TLK1: variants seen among roughly 807,000 people sequenced by gnomAD.
TLK1 encodes the protein tousled like kinase 1.
Under a neutral mutation model 105.3 loss-of-function variants are expected in TLK1, and 24 were observed. That is an observed-to-expected ratio of 0.23 (90% CI 0.17 to 0.32). The LOEUF (loss-of-function observed/expected upper bound fraction) is 0.32. Ranked by LOEUF, TLK1 falls within the 10% of genes least tolerant of loss-of-function variation. TLK1 has a pLI of 1.00. For missense variants in TLK1, 558 were observed against 910.5 expected, an observed-to-expected ratio of 0.61 and a Z score of 4.98; for synonymous variants, 321 against 310.4, an observed-to-expected ratio of 1.03 and a Z score of -0.36.
chr2:171,130,751 G>C (rs1203974765), intron 1 of TLK1, among the ~76,000 whole-genome samples: 1 of 152,066 alleles, frequency 6.6e-6, no homozygotes, highest in African/African-American at 2.4e-5. Context: ...GCCTACGTAG[G>C]ATAGGGCTCC....
At chr2:171,228,667 C>A (rs1178248136) in intron 1 of TLK1, among the ~76,000 whole-genome samples, 1 of 152,186 alleles carries the variant, frequency 6.6e-6, no homozygotes, top group Non-Finnish European at 1.5e-5. Context: ...CCAAGTGATT[C>A]AGTTCAGTTG....
At chr2:171,012,073 GTTT>G (rs1206283231) in intron 13 of TLK1, among the ~76,000 whole-genome samples, 1 of 149,084 alleles carries the variant, frequency 6.7e-6, no homozygotes, top group African/African-American at 2.5e-5. Context: ...TTTGGGAGTT[GTTT>G]TTTTTTTTAG....
intron 18 of TLK1, among the ~76,000 whole-genome samples, chr2:171,004,217 C>A (rs925791172): frequency 2.6e-5 from 4 of 152,178 alleles, no homozygotes; most frequent in Admixed American, 6.5e-5. Context: ...CCCGCCTCAG[C>A]CTCTCAGAAT....
Position 170,993,330 on chromosome 2 carries a change from A to T in TLK1, c.*450T>A, listed in dbSNP as rs1683870816. ...TTAACTGCCAAATGCTGAAGAATGTATCCAGGCACTATAGTTCGTATGTTA... is the reference window on the plus strand; with the variant it reads ...TTAACTGCCAAATGCTGAAGAATGTTTCCAGGCACTATAGTTCGTATGTTA... On this transcript the variant is annotated 3_prime_UTR_variant, in exon 21 of 21. Transcript: ENST00000431350. The T allele has an allele frequency of 6.5e-6, 1 of 152,928 alleles. No homozygotes were observed. The highest frequency in any genetic ancestry group is 2.1e-4 in the South Asian group (1 of 4,836). 9.5% of individuals were successfully genotyped at this position (152,928 alleles called of 1,614,324 possible).
At chr2:171,204,283 T>A (rs1247336367) in intron 1 of TLK1, among the ~76,000 whole-genome samples, 1 of 152,156 alleles carries the variant, frequency 6.6e-6, no homozygotes, top group East Asian at 1.9e-4. Context: ...CACCTAGCAG[T>A]GCTATCGTCC....
intron 1 of TLK1, among the ~76,000 whole-genome samples, chr2:171,228,337 TAAGGCTAGG>T (rs950215202): frequency 6.6e-6 from 1 of 152,222 alleles, no homozygotes; most frequent in African/African-American, 2.4e-5. Flanking sequence ...GAGGATCACC[TAAGGCTAGG>T]AATTAGAGAC....
At chr2:171,181,587 T>C (rs1331403294) in intron 1 of TLK1, among the ~76,000 whole-genome samples, 1 of 152,126 alleles carries the variant, frequency 6.6e-6, no homozygotes, top group Non-Finnish European at 1.5e-5. Flanking sequence ...CTTCCACCCA[T>C]GGTGGAAAGC....
chr2:171,164,178 G>C (rs1482082992), upstream of TLK1, among the ~76,000 whole-genome samples: 1 of 152,106 alleles, frequency 6.6e-6, no homozygotes, highest in East Asian at 1.9e-4. Flanking sequence ...CTGTCTTCAT[G>C]TGGTTTTTGA....
At chr2:171,190,708 G>T (rs894929115) in intron 1 of TLK1, among the ~76,000 whole-genome samples, 2 of 152,144 alleles carry the variant, frequency 1.3e-5, no homozygotes, top group Admixed American at 1.3e-4. Context: ...CAAACAAAAA[G>T]CGTGCAGCAA....
intron 1 of TLK1, among the ~76,000 whole-genome samples, chr2:171,187,074 AAAAAAAAAAG>A (rs1693041846): frequency 7.7e-6 from 1 of 129,048 alleles, no homozygotes; most frequent in African/African-American, 3.5e-5. Flanking sequence ...AAAAAAAAAA[AAAAAAAAAAG>A]AAAAAGAAAA....
chr2:171,160,676 G>A lies in TLK1; in HGVS notation c.-248C>T, dbSNP rs890178192. 6 of 556,178 alleles carry A rather than the reference G, an allele frequency of 1.1e-5. No individual in the cohort carries two copies. Among genetic ancestry groups the A allele is most frequent in the Admixed American group, 4.3e-5 (1 of 23,222 alleles). 34.5% of individuals were successfully genotyped at this position (556,178 alleles called of 1,614,324 possible). A position where few individuals can be genotyped will look rare whatever the true frequency, so the allele number is the denominator to read the frequency against. On this transcript the variant is annotated 5_prime_UTR_variant, in exon 1 of 21. Coordinates refer to ENST00000431350, the MANE Select transcript of TLK1 (RefSeq NM_012290.5). This position sits in a 1 kb window ranked among gnomAD's most constrained non-coding sequence, Gnocchi z 4.4. ...AGCGAGGGAGCGAGCGGGCGCGCCA[G>A]AGGAGAGGAGGAGGAAAGGAGCGCG... is the stretch of plus-strand genomic sequence containing the variant.
In TLK1 at chr2:171,171,956, A is replaced by G. The variant is rs761520757; in HGVS notation, c.-5-54099T>C. Among the ~76,000 whole-genome samples the G allele has an allele frequency of 1.8e-4, 27 of 152,238 alleles. 1 individual carries two copies. The highest frequency in any genetic ancestry group is 2.9e-5 in the Non-Finnish European group (2 of 68,050). On this transcript the variant is annotated intron_variant, in intron 1 of 20. Coordinates refer to the TLK1 transcript ENST00000521943. ...AAAAATGCGTTACATATATTCATCAAAAGCACATGTACAAGAATGTTCATA... is the reference window on the plus strand; with the variant it reads ...AAAAATGCGTTACATATATTCATCAGAAGCACATGTACAAGAATGTTCATA...
intron 5 of TLK1, 131 bp downstream of exon 5, chr2:171,058,020 A>G: frequency 1.3e-6 from 1 of 775,190 alleles, no homozygotes. Context: ...GAAAGATATC[A>G]CATAGTAATA....
intron 1 of TLK1, among the ~76,000 whole-genome samples, chr2:171,130,000 T>C (rs1196770337): frequency 6.6e-6 from 1 of 152,226 alleles, no homozygotes; most frequent in African/African-American, 2.4e-5. Flanking sequence ...TCTGTGGACA[T>C]TTATTTTAAC....
intron 3 of TLK1, chr2:171,081,588 T>A (rs1001545451): frequency 9.8e-5 from 120 of 1,228,222 alleles, no homozygotes; most frequent in Non-Finnish European, 1.2e-4. Flanking sequence ...GTATGTTAAT[T>A]TTTTAAAAAC....
chr2:170,995,248 TA>T (rs1370499318), intron 20 of TLK1, among the ~76,000 whole-genome samples: 2 of 152,292 alleles, frequency 1.3e-5, no homozygotes, highest in East Asian at 3.9e-4. Context: ...ACAAATAATG[TA>T]CTTAAAGATG....
intron 10 of TLK1, among the ~76,000 whole-genome samples, chr2:171,046,986 CA>C (rs1373321135): frequency 3.3e-5 from 5 of 151,798 alleles, no homozygotes; most frequent in African/African-American, 1.2e-4. Flanking sequence ...TGAAATGAGA[CA>C]AATTAACCTT....
At chr2:171,008,071 C>T (rs940196082) in intron 14 of TLK1, among the ~76,000 whole-genome samples, 25 of 152,112 alleles carry the variant, frequency 1.6e-4, no homozygotes, top group Admixed American at 1.3e-4. Flanking sequence ...TCCCCATTTC[C>T]TCCCATCAAT....
chr2:171,170,823 G>T (rs756743328), intron 1 of TLK1, among the ~76,000 whole-genome samples: 10 of 152,064 alleles, frequency 6.6e-5, no homozygotes, highest in South Asian at 2.1e-4. Context: ...AAATAGTCAA[G>T]AAATTTAAAT....
Sources: gnomAD v4.1 joint callset for allele counts (sites outside exome capture counted in the v4.1 genomes callset) on GRCh38, gnomAD v4.1.1 for gene constraint, Gnocchi (gnomAD v3.1) non-coding constraint, MANE v1.5 for transcripts, NCBI Gene and HGNC (gene_info 2026-07-23, HGNC 2026-07-21) for gene names.